DLC1: variants seen among roughly 807,000 people sequenced by gnomAD.
DLC1 encodes rho GTPase-activating protein 7.
In DLC1, 54 loss-of-function variants were observed where a neutral mutation model predicts 140.3. The observed-to-expected ratio is 0.38, with a 90% CI of 0.31 to 0.48. The LOEUF (loss-of-function observed/expected upper bound fraction) is 0.48, where lower values mean the gene tolerates loss of function less well. DLC1 is among the 20% of genes least tolerant of loss of function. DLC1 has a pLI of 0.96. For synonymous variants in DLC1, 986 were observed against 728.1 expected, an observed-to-expected ratio of 1.35 and a Z score of -5.70; for missense variants, 2,536 against 1,907.0, an observed-to-expected ratio of 1.33 and a Z score of -6.14.
chr8:13,454,947 T>C (rs1289133484), intron 2 of DLC1, among the ~76,000 whole-genome samples: 3 of 152,154 alleles, frequency 2.0e-5, no homozygotes, highest in Non-Finnish European at 4.4e-5. Context: ...TAAGCATGTT[T>C]GGGACTTCTT....
At chr8:13,214,564 T>C (rs956701570) in intron 5 of DLC1, 23 of 663,714 alleles carry the variant, frequency 3.5e-5, no homozygotes, top group Admixed American at 6.9e-5. Context: ...CACCTTTTTT[T>C]TTTTTTTTTT....
chr8:13,344,281 A>G (rs2463806), intron 4 of DLC1, among the ~76,000 whole-genome samples: 140,801 of 152,034 alleles, frequency 0.93, 65,820 homozygotes, highest in East Asian at 1. Context: ...ATCACCTAAG[A>G]TCAGGAGTTT....
chr8:13,567,391 C>A, intron 1 of DLC1: 2 of 1,551,660 alleles, frequency 1.3e-6, no homozygotes, highest in African/African-American at 1.4e-5. Context: ...AAATTTGATT[C>A]ATCGTAGAGG....
chr8:13,497,080 A>G (rs1310272197), intron 2 of DLC1, among the ~76,000 whole-genome samples: 1 of 152,076 alleles, frequency 6.6e-6, no homozygotes, highest in Admixed American at 6.6e-5. Flanking sequence ...GATTACAGGC[A>G]TGAGACACCG....
At chr8:13,551,543 C>T (rs546892769) in intron 1 of DLC1, among the ~76,000 whole-genome samples, 2 of 152,126 alleles carry the variant, frequency 1.3e-5, no homozygotes, top group South Asian at 4.1e-4. Context: ...CATTCATCTG[C>T]AGTGTTACTA....
At chr8:13,255,898 T>G (rs975308500) in intron 5 of DLC1, among the ~76,000 whole-genome samples, 1 of 152,234 alleles carries the variant, frequency 6.6e-6, no homozygotes, top group Non-Finnish European at 1.5e-5. Flanking sequence ...TATTGTTTAA[T>G]GTACCAGTCT....
At chr8:13,100,894 T>A in intron 8 of DLC1, 124 bp from the exon 9 acceptor site, 3 of 1,038,078 alleles carry the variant, frequency 2.9e-6, no homozygotes, top group Non-Finnish European at 3.8e-6. Context: ...TTCATGATTT[T>A]AATTTTAAAG....
intron 5 of DLC1, among the ~76,000 whole-genome samples, chr8:13,149,121 T>C (rs887146261): frequency 2.0e-5 from 3 of 152,080 alleles, no homozygotes; most frequent in African/African-American, 4.8e-5. Flanking sequence ...TGTTTGGAAA[T>C]CTCTCAGCAG....
chr8:13,517,045 A>G (rs1039010627), upstream of DLC1, among the ~76,000 whole-genome samples: 1 of 152,208 alleles, frequency 6.6e-6, no homozygotes, highest in South Asian at 2.1e-4. Context: ...ACAATTTCAC[A>G]TAACTTATAG....
chr8:13,198,267 A>G (rs17790686), intron 5 of DLC1, among the ~76,000 whole-genome samples: 9,101 of 152,246 alleles, frequency 0.06, 309 homozygotes, highest in African/African-American at 0.072. Flanking sequence ...AAGAGAGGAC[A>G]GTCATTTCCC....
intron 1 of DLC1, chr8:13,567,823 A>G: frequency 6.4e-7 from 1 of 1,551,862 alleles, no homozygotes; most frequent in Non-Finnish European, 8.7e-7. Context: ...TGGTTTTGAA[A>G]GATCAGAGAC....
intron 5 of DLC1, among the ~76,000 whole-genome samples, chr8:13,240,080 T>C (rs1829474119): frequency 6.6e-6 from 1 of 152,184 alleles, no homozygotes; most frequent in Non-Finnish European, 1.5e-5. Context: ...GGGGGACTTT[T>C]TTTTTAAGCC....
At chr8:13,521,183 T>C (rs1239996424) in intron 1 of DLC1, among the ~76,000 whole-genome samples, 1 of 151,770 alleles carries the variant, frequency 6.6e-6, no homozygotes, top group Non-Finnish European at 1.5e-5. Flanking sequence ...TTCTTACTCA[T>C]AAAAGGGAGC....
chr8:13,200,931 T>C (rs1208350340), intron 5 of DLC1, among the ~76,000 whole-genome samples: 1 of 152,102 alleles, frequency 6.6e-6, no homozygotes, highest in Non-Finnish European at 1.5e-5. Context: ...TTATAGAACC[T>C]AGGTTTGGCT....
rs1365657331 is a variant in DLC1 at position 13,102,852 on chromosome 8, G to A, written c.1504C>T (p.Arg502Cys). Residue 502 changes from arginine (R) to cysteine (C), a missense_variant and splice_region_variant, in exon 8 of 18, where the codon CGT becomes TGT. Arg to Cys is a radical substitution (Grantham distance 180, BLOSUM62 -3). Coordinates refer to ENST00000276297, the MANE Select transcript of DLC1 (RefSeq NM_182643.3). ...DRDAIEALCRRLNTLNKCAVM... is the reference protein window; with the variant it reads ...DRDAIEALCRCLNTLNKCAVM... ...GCACATTTGTTTAAAGTATTTAGAC[G>A]CCTATAGAGCAAAGAAATAACGTTA... 2 of 1,613,288 alleles carry A rather than the reference G, an allele frequency of 1.2e-6. No homozygotes were observed. The highest frequency in any genetic ancestry group is 2.2e-5 in the South Asian group (2 of 90,854).
rs139701859 is a variant in DLC1, at chr8:13,423,361, C to T, written c.1024-21742G>A. On this transcript the variant is annotated intron_variant, in intron 2 of 17. Coordinates refer to ENST00000276297, the MANE Select transcript of DLC1 (RefSeq NM_182643.3). Reference sequence around the variant, plus strand: ...CAGGAGACATGTACTGGCATAGTATCGCCCTTATTTGTTTCAAGGTGAACC... The same window carrying T: ...CAGGAGACATGTACTGGCATAGTATTGCCCTTATTTGTTTCAAGGTGAACC... 1.8e-3 allele frequency among the ~76,000 whole-genome samples: 273 copies of T among 152,182 alleles called. 1 individual carries two copies. Among genetic ancestry groups the T allele is most frequent in the African/African-American group, 6.3e-3 (262 of 41,522 alleles).
chr8:13,390,011 A>G (rs2117199221), intron 4 of DLC1, among the ~76,000 whole-genome samples: 1 of 152,286 alleles, frequency 6.6e-6, no homozygotes, highest in East Asian at 1.9e-4. Flanking sequence ...CTCTCTTCAT[A>G]AAGTATCTAG....
At chr8:13,342,033 A>T (rs1834081009) in intron 4 of DLC1, 1 of 152,248 alleles carries the variant, frequency 6.6e-6, no homozygotes, top group Non-Finnish European at 1.5e-5. Context: ...GAGAGGATAC[A>T]TTTGGCCAGT....
At chr8:13,097,833 C>A (rs1818633753) in intron 10 of DLC1, among the ~76,000 whole-genome samples, 1 of 151,956 alleles carries the variant, frequency 6.6e-6, no homozygotes, top group South Asian at 2.1e-4. Context: ...TCAACCCACC[C>A]ACGCTGATAA....
Sources: gnomAD v4.1 joint callset for allele counts (sites outside exome capture counted in the v4.1 genomes callset) on GRCh38, gnomAD v4.1.1 for gene constraint, MANE v1.5 for transcripts, NCBI Gene and HGNC (gene_info 2026-07-23, HGNC 2026-07-21) for gene names.